The following MAD1L1 variants were observed in gnomAD, a reference collection of about 807,000 sequenced individuals.
MAD1L1 encodes the protein mitotic spindle assembly checkpoint protein MAD1.
A neutral mutation model predicts 96.9 loss-of-function variants in MAD1L1; 95 were observed. That is an observed-to-expected ratio of 0.98 (90% CI 0.83 to 1.16). The LOEUF (loss-of-function observed/expected upper bound fraction) is 1.16, where lower values mean the gene tolerates loss of function less well. MAD1L1 is among the 50% of genes most tolerant of loss of function. The pLI is 0.00. For missense variants in MAD1L1, 1,007 were observed against 954.4 expected (o/e 1.06, Z -0.73); for synonymous variants, 473 against 396.6 (o/e 1.19, Z -2.29).
intron 11 of MAD1L1, among the ~76,000 whole-genome samples, chr7:2,104,255 G>C (rs1786967422): frequency 6.6e-6 from 1 of 152,254 alleles, no homozygotes; most frequent in Non-Finnish European, 1.5e-5. Context: ...CACTGGCGGA[G>C]GCTGCTCAGC....
At chr7:2,205,635 G>A (rs1318368424) in intron 10 of MAD1L1, among the ~76,000 whole-genome samples, 2 of 152,034 alleles carry the variant, frequency 1.3e-5, no homozygotes, top group Non-Finnish European at 2.9e-5. Flanking sequence ...GTTATCTCGC[G>A]TCCACCTCCC....
chr7:2,200,156 T>C (rs1792210166), intron 10 of MAD1L1: 1 of 152,330 alleles, frequency 6.6e-6, no homozygotes, highest in South Asian at 2.1e-4. Context: ...CGGCCAGGTG[T>C]GCACCACCCT....
intron 3 of MAD1L1, among the ~76,000 whole-genome samples, chr7:2,226,189 T>A (rs1374832429): frequency 6.6e-6 from 1 of 152,232 alleles, no homozygotes; most frequent in Non-Finnish European, 1.5e-5. Context: ...CCCACCCACG[T>A]AATCTCCCTA....
chr7:2,018,402 T>C (rs1439099837), intron 12 of MAD1L1, among the ~76,000 whole-genome samples: 1 of 152,224 alleles, frequency 6.6e-6, no homozygotes, highest in East Asian at 1.9e-4. Flanking sequence ...TCCTCGCTGC[T>C]GTCTGCCTGG....
At chr7:1,915,657 G>A (rs1321466575) in intron 17 of MAD1L1, among the ~76,000 whole-genome samples, 5 of 152,224 alleles carry the variant, frequency 3.3e-5, no homozygotes, top group East Asian at 1.9e-4. Context: ...CAGCCAGGAC[G>A]AAATGTTCAG....
At chr7:1,836,590 A>G (rs1782947697) in intron 18 of MAD1L1, among the ~76,000 whole-genome samples, 1 of 152,210 alleles carries the variant, frequency 6.6e-6, no homozygotes, top group African/African-American at 2.4e-5. Context: ...TTGCTGAGAG[A>G]AACTGTTCAT....
At chr7:2,141,010 C>T (rs899211218) in intron 11 of MAD1L1, among the ~76,000 whole-genome samples, 4 of 152,214 alleles carry the variant, frequency 2.6e-5, no homozygotes, top group African/African-American at 7.2e-5. Context: ...GAAATATTAA[C>T]GGCAGCTCAT....
intron 16 of MAD1L1, among the ~76,000 whole-genome samples, chr7:1,954,769 A>C (rs6947892): frequency 0.86 from 130,992 of 152,190 alleles, 57,695 homozygotes; most frequent in Non-Finnish European, 0.96. Context: ...TTCCCCATCT[A>C]GAGAGGGGGC....
chr7:1,983,145 C>CGT (rs1183374047), intron 14 of MAD1L1, among the ~76,000 whole-genome samples: 4 of 29,266 alleles, frequency 1.4e-4, no homozygotes, highest in African/African-American at 5.1e-4. Flanking sequence ...CGCGCGCGCG[C>CGT]GCGCGCGCGC....
chr7:1,820,173 C>G (rs1023484850), intron 18 of MAD1L1, among the ~76,000 whole-genome samples: 1 of 152,068 alleles, frequency 6.6e-6, no homozygotes, highest in Non-Finnish European at 1.5e-5. Context: ...AAACAGCACA[C>G]TTCTAAGTAA....
chr7:2,214,970 G>A (rs181075780), intron 9 of MAD1L1, among the ~76,000 whole-genome samples: 3 of 152,122 alleles, frequency 2.0e-5, no homozygotes, highest in Admixed American at 6.5e-5. Flanking sequence ...AGAGGCTCAC[G>A]CCTGTCATCT....
At chr7:1,894,393 G>C (rs1166585366) in intron 18 of MAD1L1, among the ~76,000 whole-genome samples, 1 of 152,224 alleles carries the variant, frequency 6.6e-6, no homozygotes, top group Non-Finnish European at 1.5e-5. Flanking sequence ...GGCCGGCAGA[G>C]CTAGTCACAG....
At chr7:1,827,057 G>A (rs1782429681) in intron 18 of MAD1L1, among the ~76,000 whole-genome samples, 1 of 152,250 alleles carries the variant, frequency 6.6e-6, no homozygotes, top group African/African-American at 2.4e-5. Flanking sequence ...CGCAGCCGGA[G>A]GGGAGCCGAG....
At chr7:2,107,958 G>C (rs1274952325) in intron 11 of MAD1L1, among the ~76,000 whole-genome samples, 3 of 152,062 alleles carry the variant, frequency 2.0e-5, no homozygotes, top group Non-Finnish European at 4.4e-5. Flanking sequence ...GTCCAGGCAG[G>C]GGACAGGAGA....
chr7:1,873,889 T>C (rs73288707), intron 18 of MAD1L1, among the ~76,000 whole-genome samples: 18,568 of 152,136 alleles, frequency 0.12, 3,612 homozygotes, highest in African/African-American at 0.41. Flanking sequence ...CGAGAATGGA[T>C]GCTGAGCCCA....
At chr7:1,959,389 C>T (rs1173062636) in intron 15 of MAD1L1, among the ~76,000 whole-genome samples, 1 of 152,036 alleles carries the variant, frequency 6.6e-6, no homozygotes, top group Non-Finnish European at 1.5e-5. Flanking sequence ...GCAGAGGAAG[C>T]GACGGGACAA....
chr7:2,064,893 G>A lies in MAD1L1; in HGVS notation c.1218+4301C>T, dbSNP rs559777467. Among the ~76,000 whole-genome samples the A allele has an allele frequency of 2.6e-5, 4 of 151,290 alleles. No individual in the cohort carries two copies. In the South Asian group the frequency reaches 8.4e-4, roughly 32 times the overall value. Reference sequence around the variant, plus strand: ...GGATGGCGGCTTCTCCAGGGAGGACGGTGGCTGCTCATGGGAGGACAGAGG... The same window carrying A: ...GGATGGCGGCTTCTCCAGGGAGGACAGTGGCTGCTCATGGGAGGACAGAGG... On this transcript the variant is annotated intron_variant, in intron 12 of 18. Coordinates refer to ENST00000265854, the MANE Select transcript of MAD1L1 (RefSeq NM_001013836.2).
intron 11 of MAD1L1, among the ~76,000 whole-genome samples, chr7:2,135,662 C>T (rs1055882089): frequency 6.6e-6 from 1 of 152,206 alleles, no homozygotes; most frequent in African/African-American, 2.4e-5. Flanking sequence ...TCCTGCCCCC[C>T]AGCTCTCACA....
intron 18 of MAD1L1, among the ~76,000 whole-genome samples, chr7:1,823,548 G>A (rs1432710003): frequency 6.6e-6 from 1 of 152,174 alleles, no homozygotes; most frequent in African/African-American, 2.4e-5. Context: ...AGGGGTGACT[G>A]CAGCGTCTTA....
Sources: gnomAD v4.1 joint callset for allele counts (sites outside exome capture counted in the v4.1 genomes callset) on GRCh38, gnomAD v4.1.1 for gene constraint, MANE v1.5 for transcripts, NCBI Gene and HGNC (gene_info 2026-07-23, HGNC 2026-07-21) for gene names.